The following PLD5 variants were observed in gnomAD, a reference collection of about 807,000 sequenced individuals.
PLD5 encodes phospholipase D family member 5, also known as inactive phospholipase D5.
PLD5 carries 36 observed loss-of-function variants against 61.1 expected under a neutral mutation model. That is an observed-to-expected ratio of 0.59 (90% confidence interval 0.45 to 0.78). The LOEUF is 0.78. PLD5 is among the 30% of genes least tolerant of loss of function. PLD5 has a pLI of 0.00. For missense variants in PLD5, 515 were observed against 644.4 expected, an observed-to-expected ratio of 0.80 and a Z score of 2.17; for synonymous variants, 243 against 242.8, an observed-to-expected ratio of 1.00 and a Z score of -0.01.
chr1:242,131,961 A>C (rs961721267), intron 5 of PLD5, among the ~76,000 whole-genome samples: 4 of 149,180 alleles, frequency 2.7e-5, no homozygotes, highest in African/African-American at 9.9e-5. Context: ...CAGCCTCCCG[A>C]GTAGCTGGTA....
chr1:242,460,763 C>A (rs1275075755), intron 1 of PLD5, among the ~76,000 whole-genome samples: 2 of 151,984 alleles, frequency 1.3e-5, no homozygotes, highest in Non-Finnish European at 2.9e-5. Flanking sequence ...CCAAAATATC[C>A]CAATCATGCA....
At chr1:242,449,641 C>T (rs1666700530) in intron 1 of PLD5, among the ~76,000 whole-genome samples, 4 of 152,208 alleles carry the variant, frequency 2.6e-5, no homozygotes. Context: ...TAAGCAAGCA[C>T]TGGGGACTGC....
chr1:242,505,810 C>T (rs191160025), intron 1 of PLD5, among the ~76,000 whole-genome samples: 20 of 152,342 alleles, frequency 1.3e-4, no homozygotes, highest in African/African-American at 4.8e-5. Context: ...ACAGACCAAC[C>T]AGCCTGCTGG....
At chr1:242,506,937 T>C (rs1285273646) in intron 1 of PLD5, among the ~76,000 whole-genome samples, 2 of 152,146 alleles carry the variant, frequency 1.3e-5, no homozygotes, top group African/African-American at 4.8e-5. Flanking sequence ...AACGCGGTAC[T>C]AACGGTGATC....
chr1:242,089,775 T>C lies in PLD5; in HGVS notation c.*79A>G. The C allele has an allele frequency of 6.4e-7, 1 of 1,554,222 alleles. No individual in the cohort carries two copies. Among genetic ancestry groups the C allele is most frequent in the South Asian group, 1.2e-5 (1 of 85,660 alleles). On this transcript the variant is annotated 3_prime_UTR_variant, in exon 10 of 10. Coordinates refer to ENST00000536534, the MANE Select transcript of PLD5 (RefSeq NM_001372062.1). ...CTTTTTCCCTAAAAAAAGAGACATATTAAAGTGTTTTTTCTCTCCTCAAGT... is the reference window on the plus strand; with the variant it reads ...CTTTTTCCCTAAAAAAAGAGACATACTAAAGTGTTTTTTCTCTCCTCAAGT...
At chr1:242,132,973 A>T (rs1393932674) in intron 5 of PLD5, among the ~76,000 whole-genome samples, 1 of 151,930 alleles carries the variant, frequency 6.6e-6, no homozygotes, top group Non-Finnish European at 1.5e-5. Flanking sequence ...CAAGTAACAA[A>T]AGGATCAGAG....
chr1:242,377,152 G>A (rs2149251960), intron 1 of PLD5: 7 of 1,611,650 alleles, frequency 4.3e-6, no homozygotes, highest in South Asian at 1.1e-5. Flanking sequence ...TTTAACTTGT[G>A]TACGATGAAG....
intron 5 of PLD5, among the ~76,000 whole-genome samples, chr1:242,180,982 CAAAAAACA>C (rs1357542914): frequency 6.6e-6 from 1 of 151,566 alleles, no homozygotes; most frequent in African/African-American, 2.4e-5. Flanking sequence ...GACTAGGTCT[CAAAAAACA>C]AACAAACAAA....
intron 5 of PLD5, among the ~76,000 whole-genome samples, chr1:242,169,080 C>T (rs939985416): frequency 1.3e-5 from 2 of 151,872 alleles, no homozygotes; most frequent in Admixed American, 6.6e-5. Context: ...TTTCTTAATA[C>T]ACATGAAGCC....
intron 5 of PLD5, among the ~76,000 whole-genome samples, chr1:242,125,534 C>G (rs1662717085): frequency 6.6e-6 from 1 of 152,150 alleles, no homozygotes; most frequent in Non-Finnish European, 1.5e-5. Context: ...AGTCCAGTAT[C>G]CCTTTGCAAA....
chr1:242,530,020 A>G, the PLD5 span, among the ~76,000 whole-genome samples: 2 of 152,038 alleles, frequency 1.3e-5, no homozygotes, highest in Non-Finnish European at 2.9e-5. Context: ...AGGTGCCCAG[A>G]GTAACTGAGA....
intron 5 of PLD5, among the ~76,000 whole-genome samples, chr1:242,169,859 G>A (rs1459074026): frequency 3.3e-5 from 5 of 152,224 alleles, no homozygotes; most frequent in African/African-American, 9.6e-5. Flanking sequence ...CAGCTAGGCT[G>A]CTATGGCCAG....
intron 2 of PLD5, among the ~76,000 whole-genome samples, chr1:242,343,597 CTCTT>C (rs1375738496): frequency 2.6e-5 from 4 of 151,090 alleles, no homozygotes; most frequent in Non-Finnish European, 5.9e-5. Context: ...AAGCCCTCAC[CTCTT>C]TTACCAGGGA....
chr1:242,388,677 G>T (rs868375144), intron 1 of PLD5, among the ~76,000 whole-genome samples: 1 of 152,066 alleles, frequency 6.6e-6, no homozygotes, highest in Non-Finnish European at 1.5e-5. Context: ...TGACTGAGAC[G>T]GTAAGGAGGA....
intron 5 of PLD5, among the ~76,000 whole-genome samples, chr1:242,147,130 T>G (rs1595121): frequency 0.46 from 70,479 of 152,002 alleles, 17,539 homozygotes; most frequent in African/African-American, 0.64. Context: ...AACAGTGCCA[T>G]CGGCCCCTAA....
At chr1:242,227,723 A>T (rs1311308592) in intron 4 of PLD5, among the ~76,000 whole-genome samples, 3 of 152,138 alleles carry the variant, frequency 2.0e-5, no homozygotes, top group African/African-American at 7.2e-5. Flanking sequence ...TGTCACCACC[A>T]ATTTCCTACA....
chr1:242,112,283 CTGTGTGTGTGTG>C (rs748175841), intron 7 of PLD5, among the ~76,000 whole-genome samples: 86 of 119,758 alleles, frequency 7.2e-4, no homozygotes, highest in African/African-American at 2.2e-3. Flanking sequence ...AAAGGATGCA[CTGTGTGTGTGTG>C]TGTGTGTGTG....
At chr1:242,407,998 A>AT (rs1410596868) in intron 1 of PLD5, among the ~76,000 whole-genome samples, 1 of 150,842 alleles carries the variant, frequency 6.6e-6, no homozygotes, top group African/African-American at 2.5e-5. Flanking sequence ...AATATTTTTT[A>AT]TTTTTTTAAT....
rs184140865 is a variant in PLD5, at chr1:242,213,703, A to G, written c.735+6285T>C. Among the ~76,000 whole-genome samples the G allele has an allele frequency of 2.0e-5, 3 of 151,512 alleles. No homozygotes were observed. The East Asian group carries it at 5.8e-4, about 29-fold the overall frequency. The stretch of plus-strand genomic sequence containing the variant: ...TCCCAGAGAGTTAACCCCCGCAGCA[A>G]AAAGGGAAATTGAGAAAATAGAACA... On this transcript the variant is annotated intron_variant, in intron 5 of 9. Coordinates refer to ENST00000536534, the MANE Select transcript of PLD5 (RefSeq NM_001372062.1).
Sources: allele counts gnomAD v4.1 joint callset (sites outside exome capture counted in the v4.1 genomes callset), GRCh38; gene constraint gnomAD v4.1.1; transcripts MANE v1.5; gene names NCBI Gene and HGNC (gene_info 2026-07-23, HGNC 2026-07-21).